Variants in SYN3 observed in about 807,000 individuals in gnomAD.
SYN3 encodes synapsin-3.
SYN3 carries 35 observed loss-of-function variants against 65.8 expected under a neutral mutation model. The ratio of observed to expected loss-of-function variants is 0.53; its 90% CI spans 0.41 to 0.70. The LOEUF is 0.70. SYN3 is among the 30% of genes least tolerant of loss of function. SYN3 has a pLI of 0.00. For synonymous variants in SYN3, 270 were observed against 292.9 expected (o/e 0.92, Z 0.80); for missense variants, 680 against 749.0 (o/e 0.91, Z 1.08).
chr22:32,819,384 A>G (rs1042745708), intron 6 of SYN3, among the ~76,000 whole-genome samples: 4 of 152,196 alleles, frequency 2.6e-5, no homozygotes, highest in African/African-American at 4.8e-5. Context: ...CCGGCCCCAT[A>G]TTGGAGGCCA....
Position 32,512,125 on chromosome 22 carries a change from G to A in SYN3, c.*1567C>T, listed in dbSNP as rs763823173. On this transcript the variant is annotated 3_prime_UTR_variant, in exon 14 of 14. Transcript: ENST00000358763. ...GGCCCTGACGTCACCACTCCAGTTT[G>A]GTTTTGAAGGACCAAAAAGGAGATG... is the stretch of plus-strand genomic sequence containing the variant. 3.3e-5 allele frequency among the ~76,000 whole-genome samples: 5 copies of A among 152,168 alleles called. No individual in the cohort carries two copies. Among genetic ancestry groups the A allele is most frequent in the Non-Finnish European group, 7.4e-5 (5 of 68,020 alleles).
chr22:33,005,204 C>G (rs2053164729), intron 2 of SYN3, among the ~76,000 whole-genome samples: 1 of 152,190 alleles, frequency 6.6e-6, no homozygotes, highest in Admixed American at 6.5e-5. Flanking sequence ...AGTGTGAGAA[C>G]AGACTGATAC....
chr22:32,940,301 C>T (rs2050898540), intron 3 of SYN3, among the ~76,000 whole-genome samples: 1 of 152,112 alleles, frequency 6.6e-6, no homozygotes, highest in South Asian at 2.1e-4. Context: ...TTCTTCCATT[C>T]TGTGGCTTGT....
chr22:32,558,330 G>T (rs968478871), intron 7 of SYN3, among the ~76,000 whole-genome samples: 4 of 152,188 alleles, frequency 2.6e-5, no homozygotes, highest in African/African-American at 9.7e-5. Context: ...GACAGTGTAT[G>T]TCCACTCAGT....
At chr22:32,937,307 A>G (rs903193852) in intron 3 of SYN3, among the ~76,000 whole-genome samples, 1 of 152,256 alleles carries the variant, frequency 6.6e-6, no homozygotes, top group African/African-American at 2.4e-5. Context: ...GATAAAAATT[A>G]TAATATCTGA....
intron 6 of SYN3, among the ~76,000 whole-genome samples, chr22:32,610,289 C>G (rs1278461136): frequency 1.3e-5 from 2 of 151,858 alleles, no homozygotes; most frequent in South Asian, 2.1e-4. Flanking sequence ...CCCCTGCCCC[C>G]CCCAAAAAAA....
intron 6 of SYN3, among the ~76,000 whole-genome samples, chr22:32,696,692 T>C (rs914454601): frequency 6.6e-6 from 1 of 152,200 alleles, no homozygotes; most frequent in Non-Finnish European, 1.5e-5. Context: ...AATGAATGCA[T>C]TCCTGTCCTG....
Position 32,738,100 on chromosome 22 carries a change from C to T in SYN3, c.711+126815G>A, listed in dbSNP as rs138854813. ...ACCACAGCTACCACCACTTGTTTAA[C>T]GTTGACCCCGTACCAAGCACTATGC... On this transcript the variant is annotated intron_variant, in intron 6 of 13. Coordinates refer to ENST00000358763, the MANE Select transcript of SYN3 (RefSeq NM_003490.4). Among the ~76,000 whole-genome samples the T allele has an allele frequency of 5.1e-4, 78 of 152,320 alleles. No homozygotes were observed. The East Asian group carries it at 0.013, about 24-fold the overall frequency.
rs73156406 is a variant in SYN3, at chr22:32,695,345, T to C, written c.712-98609A>G. On this transcript the variant is annotated intron_variant, in intron 6 of 13. Transcript: ENST00000358763. Reference sequence around the variant, plus strand: ...TCTGTAATGGCTTTCATTATCATTTTCATTTTTTCATCCCATGTTAGATCT... The same window carrying C: ...TCTGTAATGGCTTTCATTATCATTTCCATTTTTTCATCCCATGTTAGATCT... 5.3e-3 allele frequency among the ~76,000 whole-genome samples: 804 copies of C among 152,354 alleles called. 7 individuals carry two copies. The highest frequency in any genetic ancestry group is 0.03 in the East Asian group (155 of 5,182).
intron 6 of SYN3, among the ~76,000 whole-genome samples, chr22:32,715,607 C>T (rs1415710374): frequency 6.6e-6 from 1 of 151,826 alleles, no homozygotes; most frequent in Non-Finnish European, 1.5e-5. Flanking sequence ...GGTGAAACCC[C>T]GTCTCTACTA....
intron 6 of SYN3, among the ~76,000 whole-genome samples, chr22:32,831,051 T>C (rs2047560223): frequency 6.6e-6 from 1 of 152,204 alleles, no homozygotes; most frequent in Non-Finnish European, 1.5e-5. Flanking sequence ...ATTCCTTCTA[T>C]TTCAAAAATA....
At chr22:32,733,240 G>A (rs2061293986) in intron 6 of SYN3, among the ~76,000 whole-genome samples, 2 of 152,128 alleles carry the variant, frequency 1.3e-5, no homozygotes, top group East Asian at 3.8e-4. Flanking sequence ...CATCAGCATC[G>A]ACAGAACTTT....
chr22:32,748,754 G>A (rs953248603), intron 6 of SYN3, among the ~76,000 whole-genome samples: 77 of 152,292 alleles, frequency 5.1e-4, no homozygotes, highest in African/African-American at 1.8e-3. Flanking sequence ...CCCCTAGAAG[G>A]TAGAAGGCAT....
intron 7 of SYN3, among the ~76,000 whole-genome samples, chr22:32,560,015 C>T (rs750288154): frequency 1.7e-4 from 26 of 152,324 alleles, no homozygotes; most frequent in Admixed American, 1.3e-3. Context: ...CAAAACGCCT[C>T]CAGTGAGCAT....
chr22:32,939,496 T>C (rs1423113514), intron 3 of SYN3, among the ~76,000 whole-genome samples: 2 of 152,206 alleles, frequency 1.3e-5, no homozygotes, highest in African/African-American at 4.8e-5. Flanking sequence ...AACCCCTGAA[T>C]CCTCCCTCAT....
At chr22:32,878,927 A>G (rs2049052532) in intron 4 of SYN3, among the ~76,000 whole-genome samples, 1 of 152,130 alleles carries the variant, frequency 6.6e-6, no homozygotes, top group African/African-American at 2.4e-5. Context: ...GGCCCTTGTG[A>G]CTTTTCAAAA....
chr22:32,883,021 C>T (rs976550710), intron 4 of SYN3, among the ~76,000 whole-genome samples: 2 of 152,244 alleles, frequency 1.3e-5, no homozygotes, highest in East Asian at 1.9e-4. Flanking sequence ...AGGCTGTGAA[C>T]TCCACCAGCG....
chr22:32,667,612 T>C (rs2060306136), intron 6 of SYN3, among the ~76,000 whole-genome samples: 1 of 152,124 alleles, frequency 6.6e-6, no homozygotes, highest in African/African-American at 2.4e-5. Context: ...AATTGCTGGG[T>C]TGCCTTCCAA....
At chr22:32,759,767 T>C (rs191057849) in intron 6 of SYN3, among the ~76,000 whole-genome samples, 5 of 17,610 alleles carry the variant, frequency 2.8e-4, no homozygotes, top group East Asian at 2.7e-3. Context: ...CCAGCCCCAG[T>C]CAGCACCCAC....
Sources: gnomAD v4.1 joint callset for allele counts (sites outside exome capture counted in the v4.1 genomes callset) on GRCh38, gnomAD v4.1.1 for gene constraint, MANE v1.5 for transcripts, NCBI Gene and HGNC (gene_info 2026-07-23, HGNC 2026-07-21) for gene names.